The following ANGPT1 variants were observed in gnomAD, a reference collection of about 807,000 sequenced individuals.
ANGPT1 encodes angiopoietin-1.
Under a neutral mutation model 62.2 loss-of-function variants are expected in ANGPT1, and 17 were observed. That is an observed-to-expected ratio of 0.27 (90% CI 0.19 to 0.41). ANGPT1 has a LOEUF of 0.41. ANGPT1 is among the 10% of genes least tolerant of loss of function. The probability of loss-of-function intolerance (pLI) is 1.00; values close to 1 mark genes in which losing one functional copy is unlikely to be tolerated. For missense variants in ANGPT1, 478 were observed against 594.9 expected, an observed-to-expected ratio of 0.80 and a Z score of 2.04; for synonymous variants, 199 against 198.9, an observed-to-expected ratio of 1.00 and a Z score of 0.00.
chr8:107,419,262 C>T (rs1228471377), intron 1 of ANGPT1, among the ~76,000 whole-genome samples: 3 of 152,150 alleles, frequency 2.0e-5, no homozygotes, highest in Admixed American at 2.0e-4. Flanking sequence ...TCTTGCCCTT[C>T]TCCCCTGAAG....
At chr8:107,315,055 G>A (rs1814982083) in intron 4 of ANGPT1, among the ~76,000 whole-genome samples, 1 of 152,116 alleles carries the variant, frequency 6.6e-6, no homozygotes, top group Non-Finnish European at 1.5e-5. Context: ...CCTCAGCACT[G>A]AGAAGAAAGC....
chr8:107,465,157 G>A (rs1812169432), intron 1 of ANGPT1, among the ~76,000 whole-genome samples: 2 of 152,054 alleles, frequency 1.3e-5, no homozygotes, highest in South Asian at 2.1e-4. Context: ...ATATACAGAA[G>A]TAAGAATTCA....
At position 107,373,903 on chromosome 8, in the gene ANGPT1, G is replaced by A. The variant is rs139766592; in HGVS notation, c.298-26806C>T. On this transcript the variant is annotated intron_variant, in intron 1 of 8. Coordinates refer to ENST00000517746, the MANE Select transcript of ANGPT1 (RefSeq NM_001146.5). Reference sequence around the variant, plus strand: ...TTAGAAGAAATGACTTAGTTAAGAAGAAGAGTCTTGGAAAGATACTGCCTA... The same window carrying A: ...TTAGAAGAAATGACTTAGTTAAGAAAAAGAGTCTTGGAAAGATACTGCCTA... 2.7e-3 allele frequency among the ~76,000 whole-genome samples: 408 copies of A among 152,300 alleles called. 3 individuals are homozygous for A. Among genetic ancestry groups the A allele is most frequent in the African/African-American group, 9.3e-3 (386 of 41,554 alleles).
intron 1 of ANGPT1, among the ~76,000 whole-genome samples, chr8:107,445,317 A>T (rs1811588212): frequency 6.6e-6 from 1 of 152,110 alleles, no homozygotes; most frequent in South Asian, 2.1e-4. Flanking sequence ...TTGTATTTGG[A>T]TGCAATGGGG....
intron 3 of ANGPT1, among the ~76,000 whole-genome samples, chr8:107,333,634 G>A (rs1586232580): frequency 1.3e-5 from 2 of 152,188 alleles, no homozygotes; most frequent in Non-Finnish European, 2.9e-5. Flanking sequence ...GCACAAATAT[G>A]TTTGGGATCA....
intron 5 of ANGPT1, 51 bp from the exon 6 acceptor site, chr8:107,294,088 CAT>C: frequency 6.9e-7 from 1 of 1,448,684 alleles, no homozygotes; most frequent in East Asian, 2.3e-5. Context: ...CTTTAAAAAA[CAT>C]ATATCCTACA....
intron 1 of ANGPT1, among the ~76,000 whole-genome samples, chr8:107,490,306 G>A (rs1051347348): frequency 6.6e-6 from 1 of 152,208 alleles, no homozygotes; most frequent in African/African-American, 2.4e-5. Flanking sequence ...TAGCACAGAA[G>A]ATCCTGTAGC....
chr8:107,484,782 C>T (rs1314690705), intron 1 of ANGPT1, among the ~76,000 whole-genome samples: 1 of 152,126 alleles, frequency 6.6e-6, no homozygotes, highest in Non-Finnish European at 1.5e-5. Context: ...TTATTTTGTG[C>T]CGAAAGCAAC....
chr8:107,381,020 A>C (rs1317318130), intron 1 of ANGPT1, among the ~76,000 whole-genome samples: 1 of 152,204 alleles, frequency 6.6e-6, no homozygotes. Context: ...AGTTTAGATA[A>C]GTGGAGACTG....
chr8:107,457,165 A>G (rs1811941082), intron 1 of ANGPT1, among the ~76,000 whole-genome samples: 1 of 152,078 alleles, frequency 6.6e-6, no homozygotes, highest in South Asian at 2.1e-4. Context: ...ATGATAGACT[A>G]TATTTATTAG....
intron 6 of ANGPT1, among the ~76,000 whole-genome samples, chr8:107,285,317 A>T (rs73701026): frequency 0.021 from 3,136 of 152,254 alleles, 46 homozygotes; most frequent in African/African-American, 0.036. Context: ...CAATAACTTC[A>T]TATTTAGGTT....
chr8:107,468,423 A>T (rs916758326), intron 1 of ANGPT1, among the ~76,000 whole-genome samples: 1 of 152,076 alleles, frequency 6.6e-6, no homozygotes, highest in Non-Finnish European at 1.5e-5. Flanking sequence ...AGGTCTCTTC[A>T]ATCAAAATAG....
chr8:107,331,366 A>G (rs1237266046), intron 3 of ANGPT1, among the ~76,000 whole-genome samples: 1 of 152,238 alleles, frequency 6.6e-6, no homozygotes, highest in Non-Finnish European at 1.5e-5. Context: ...TTCTGCTCTA[A>G]TATTAGAAGG....
chr8:107,287,581 A>G (rs1814172949), intron 6 of ANGPT1, among the ~76,000 whole-genome samples: 1 of 152,178 alleles, frequency 6.6e-6, no homozygotes, highest in Non-Finnish European at 1.5e-5. Flanking sequence ...ATCCAGAAAC[A>G]ACTGTTTCAT....
chr8:107,458,939 T>G (rs540509308), intron 1 of ANGPT1, among the ~76,000 whole-genome samples: 1 of 152,266 alleles, frequency 6.6e-6, no homozygotes, highest in East Asian at 1.9e-4. Context: ...ACATAGCAAG[T>G]GTCACAGCCC....
chr8:107,295,108 T>C lies in ANGPT1; in HGVS notation c.937-1071A>G, dbSNP rs933834885. 3.9e-4 allele frequency: 60 copies of C among 152,148 alleles called. 2 individuals are homozygous for C. Among genetic ancestry groups the C allele is most frequent in the Non-Finnish European group, 5.9e-5 (4 of 68,048 alleles). The allele number at this position is 152,148 out of a possible 1,614,324, so 9.4% of individuals were successfully genotyped here. A position where few individuals can be genotyped will look rare whatever the true frequency, so the allele number is the denominator to read the frequency against. The stretch of plus-strand genomic sequence containing the variant: ...AGGGTATAAAAGCAGTGGCAAGAAA[T>C]GTCATTCAAAGAGCGAATTGTCCAT... On this transcript the variant is annotated intron_variant, in intron 5 of 8. Transcript: ENST00000517746.
chr8:107,363,242 A>G (rs575276251), intron 1 of ANGPT1, among the ~76,000 whole-genome samples: 1 of 152,316 alleles, frequency 6.6e-6, no homozygotes, highest in Non-Finnish European at 1.5e-5. Flanking sequence ...ATGAAATAAT[A>G]CATGTCAAAA....
At position 107,482,812 on chromosome 8, in the gene ANGPT1, G is replaced by A. The variant is rs545470589; in HGVS notation, c.297+14450C>T. On this transcript the variant is annotated intron_variant, in intron 1 of 8. Coordinates refer to ENST00000517746, the MANE Select transcript of ANGPT1 (RefSeq NM_001146.5). ...AAACTATATATAATTTTTTAAACTC[G>A]ATCTTCCTTAAAGATTCCAGAACAC... Among the ~76,000 whole-genome samples the A allele has an allele frequency of 3.8e-3, 571 of 152,024 alleles. 9 individuals carry two copies. The highest frequency in any genetic ancestry group is 0.013 in the African/African-American group (551 of 41,470).
intron 1 of ANGPT1, among the ~76,000 whole-genome samples, chr8:107,468,433 G>T (rs145056727): frequency 3.9e-4 from 60 of 152,066 alleles, no homozygotes; most frequent in Middle Eastern, 3.4e-3. Context: ...AATCAAAATA[G>T]TCATTCAAAT....
Sources: allele counts gnomAD v4.1 joint callset (sites outside exome capture counted in the v4.1 genomes callset), GRCh38; gene constraint gnomAD v4.1.1; transcripts MANE v1.5; gene names NCBI Gene and HGNC (gene_info 2026-07-23, HGNC 2026-07-21).